The following PRKAR2B variants were observed in gnomAD, a reference collection of about 807,000 sequenced individuals.
PRKAR2B encodes protein kinase cAMP-dependent type II regulatory subunit beta, also known as cAMP-dependent protein kinase type II-beta regulatory subunit.
In PRKAR2B, 14 loss-of-function variants were observed where a neutral mutation model predicts 49.9. That is an observed-to-expected ratio of 0.28 (90% CI 0.19 to 0.44). The LOEUF is 0.44. PRKAR2B is among the 20% of genes least tolerant of loss of function. The probability of loss-of-function intolerance (pLI) is 1.00; values close to 1 mark genes in which losing one functional copy is unlikely to be tolerated. For synonymous variants in PRKAR2B, 196 were observed against 197.7 expected (o/e 0.99, Z 0.07); for missense variants, 393 against 537.9 (o/e 0.73, Z 2.67).
intron 3 of PRKAR2B, among the ~76,000 whole-genome samples, chr7:107,124,838 T>G (rs1159486415): frequency 6.6e-6 from 1 of 152,164 alleles, no homozygotes; most frequent in Non-Finnish European, 1.5e-5. Context: ...TTGGCAAACT[T>G]TTTTTGGTAA....
intron 7 of PRKAR2B, among the ~76,000 whole-genome samples, chr7:107,152,490 G>A (rs1326840649): frequency 6.6e-6 from 1 of 152,166 alleles, no homozygotes; most frequent in Non-Finnish European, 1.5e-5. Flanking sequence ...ATCTTTGAAG[G>A]TAGAGACTTA....
intron 2 of PRKAR2B, among the ~76,000 whole-genome samples, chr7:107,090,687 A>G (rs1319796419): frequency 1.3e-5 from 2 of 152,210 alleles, no homozygotes; most frequent in Non-Finnish European, 2.9e-5. Flanking sequence ...CAAATCTGAG[A>G]AAACTGACAA....
At chr7:107,045,364 A>G (rs28546089) in intron 1 of PRKAR2B, 150 bp downstream of exon 1, 3 of 668,422 alleles carry the variant, frequency 4.5e-6, no homozygotes, top group South Asian at 4.1e-5. Flanking sequence ...CCACCCCCTC[A>G]GCATCCATTT....
intron 4 of PRKAR2B, among the ~76,000 whole-genome samples, chr7:107,138,185 T>A (rs1428521924): frequency 2.0e-5 from 3 of 152,218 alleles, no homozygotes; most frequent in Admixed American, 6.5e-5. Flanking sequence ...TACACATTTG[T>A]CAAACCCATA....
chr7:107,120,665 GTTT>G (rs1201564652), intron 2 of PRKAR2B, among the ~76,000 whole-genome samples: 1 of 152,096 alleles, frequency 6.6e-6, no homozygotes, highest in African/African-American at 2.4e-5. Flanking sequence ...TAAGGAAAGG[GTTT>G]TCAAGGTCAA....
At chr7:107,071,469 G>A (rs763243254) in intron 2 of PRKAR2B, among the ~76,000 whole-genome samples, 1 of 152,174 alleles carries the variant, frequency 6.6e-6, no homozygotes, top group Non-Finnish European at 1.5e-5. Context: ...GAAAACAAGT[G>A]TAGATTGTAA....
intron 2 of PRKAR2B, among the ~76,000 whole-genome samples, chr7:107,105,804 C>A (rs1330712194): frequency 6.6e-6 from 1 of 152,142 alleles, no homozygotes; most frequent in East Asian, 1.9e-4. Context: ...TCTGGGCATT[C>A]CAGACACTGA....
chr7:107,112,323 T>C (rs1795192266), intron 2 of PRKAR2B, among the ~76,000 whole-genome samples: 1 of 152,078 alleles, frequency 6.6e-6, no homozygotes, highest in Non-Finnish European at 1.5e-5. Context: ...TTGTCTGTTA[T>C]TGTCTTTATA....
chr7:107,125,845 T>G (rs1795472226), intron 3 of PRKAR2B, among the ~76,000 whole-genome samples: 1 of 151,702 alleles, frequency 6.6e-6, no homozygotes, highest in Non-Finnish European at 1.5e-5. Flanking sequence ...TCTTAGCAGT[T>G]TGGGAGGCCA....
intron 2 of PRKAR2B, among the ~76,000 whole-genome samples, chr7:107,076,325 GT>G (rs1794395677): frequency 6.6e-6 from 1 of 151,978 alleles, no homozygotes; most frequent in African/African-American, 2.4e-5. Flanking sequence ...GTCCTATCAT[GT>G]TTTTTTCTCT....
chr7:107,070,353 G>A, intron 2 of PRKAR2B, 37 bp downstream of exon 2: 1 of 1,533,578 alleles, frequency 6.5e-7, no homozygotes, highest in South Asian at 1.2e-5. Context: ...GTTTATTAAT[G>A]GTGACATTTA....
intron 8 of PRKAR2B, among the ~76,000 whole-genome samples, chr7:107,153,687 C>T (rs892116322): frequency 5.9e-5 from 9 of 152,154 alleles, no homozygotes; most frequent in African/African-American, 2.2e-4. Context: ...GCTTCCAAGA[C>T]TACATGTGGG....
Position 107,045,147 on chromosome 7 carries a change from C to G in PRKAR2B, c.240C>G (p.Pro80=). 2 of 1,509,976 alleles carry G rather than the reference C, an allele frequency of 1.3e-6. No individual in the cohort carries two copies. The highest frequency in any genetic ancestry group is 1.8e-6 in the Non-Finnish European group (2 of 1,130,914). The allele number at this position is 1,509,976 out of a possible 1,614,324, so 93.5% of individuals were successfully genotyped here. ...PSKGVNFAEE[P]MQSDSEDGEE... Reference sequence around the variant, plus strand: ...AGGGGGTCAACTTCGCCGAGGAGCCCATGCAGTCCGACTCCGAGGACGGGG... The same window carrying G: ...AGGGGGTCAACTTCGCCGAGGAGCCGATGCAGTCCGACTCCGAGGACGGGG... Residue 80 remains proline, a synonymous_variant, in exon 1 of 11, where the codon CCC becomes CCG. Transcript: ENST00000265717.
At chr7:107,126,495 G>T (rs1244242931) in intron 3 of PRKAR2B, among the ~76,000 whole-genome samples, 3 of 151,442 alleles carry the variant, frequency 2.0e-5, no homozygotes, top group African/African-American at 7.3e-5. Context: ...GGAAAAAGCT[G>T]GATTTCTGTG....
intron 2 of PRKAR2B, among the ~76,000 whole-genome samples, chr7:107,121,025 A>AT: frequency 6.6e-6 from 1 of 150,852 alleles, no homozygotes; most frequent in African/African-American, 2.4e-5. Context: ...CTATTTAATA[A>AT]TTTTTTAAAA....
At chr7:107,084,532 A>G (rs1794578435) in intron 2 of PRKAR2B, among the ~76,000 whole-genome samples, 2 of 151,738 alleles carry the variant, frequency 1.3e-5, no homozygotes, top group Admixed American at 6.6e-5. Flanking sequence ...TCGGTTTATT[A>G]TTGCTCTTTG....
chr7:107,132,656 T>C (rs1795624144), intron 4 of PRKAR2B, among the ~76,000 whole-genome samples: 1 of 152,134 alleles, frequency 6.6e-6, no homozygotes, highest in Non-Finnish European at 1.5e-5. Flanking sequence ...TGGCTCCCAG[T>C]GTCTAGCTGG....
chr7:107,059,624 A>G (rs559470394), intron 1 of PRKAR2B, among the ~76,000 whole-genome samples: 6 of 152,274 alleles, frequency 3.9e-5, no homozygotes, highest in Admixed American at 3.9e-4. Context: ...ACCCTTGTAT[A>G]AATATACACT....
rs189758993 is a variant in PRKAR2B, at chr7:107,109,376, C to T, written c.344-12576C>T. 2.0e-4 allele frequency among the ~76,000 whole-genome samples: 30 copies of T among 151,888 alleles called. 1 individual carries two copies. Among genetic ancestry groups the T allele is most frequent in the East Asian group, 1.7e-3 (9 of 5,180 alleles). ...CTGGGCTCAAGCAGTCTTCCCACCT[C>T]AGGCTCCCAAGTAGCTGGGACTACA... On this transcript the variant is annotated intron_variant, in intron 2 of 10. Transcript: ENST00000265717.
Sources: gnomAD v4.1 joint callset for allele counts (sites outside exome capture counted in the v4.1 genomes callset) on GRCh38, gnomAD v4.1.1 for gene constraint, MANE v1.5 for transcripts, NCBI Gene and HGNC (gene_info 2026-07-23, HGNC 2026-07-21) for gene names.